DNALI1: variants seen among roughly 807,000 people sequenced by gnomAD.
DNALI1 encodes the protein dynein axonemal light intermediate chain 1.
In DNALI1, 31 loss-of-function variants were observed where a neutral mutation model predicts 33.9. The observed-to-expected ratio is 0.91, with a 90% CI of 0.69 to 1.23. The LOEUF (loss-of-function observed/expected upper bound fraction) is 1.23, where lower values mean the gene tolerates loss of function less well. Ranked by LOEUF, DNALI1 falls within the 50% of genes most tolerant of loss-of-function variation. The probability of loss-of-function intolerance (pLI) is 0.00; values close to 1 mark genes in which losing one functional copy is unlikely to be tolerated. For missense variants in DNALI1, 305 were observed against 323.8 expected (o/e 0.94, Z 0.44); for synonymous variants, 117 against 129.2 (o/e 0.91, Z 0.64).
At position 37,566,446 on chromosome 1, in the gene DNALI1, C is replaced by T. The variant is rs147920255; in HGVS notation, c.*1385C>T. The T allele has an allele frequency of 5.0e-3, 806 of 160,380 alleles. 10 individuals carry two copies. The highest frequency in any genetic ancestry group is 0.018 in the African/African-American group (771 of 41,782). The allele number at this position is 160,380 out of a possible 1,614,324, so 9.9% of individuals were successfully genotyped here. A position where few individuals can be genotyped will look rare whatever the true frequency, so the allele number is the denominator to read the frequency against. ...TTGTAGTTTTCTCCTATTTCTTCTG[C>T]ACCCAACTTTCTCCTTGTATTTCAA... is the stretch of plus-strand genomic sequence containing the variant. On this transcript the variant is annotated 3_prime_UTR_variant, in exon 6 of 6. Transcript: ENST00000652629.
Position 37,562,766 on chromosome 1 carries a change from G to A in DNALI1, c.741+521G>A, listed in dbSNP as rs922631820. Among the ~76,000 whole-genome samples the A allele has an allele frequency of 2.6e-5, 4 of 152,050 alleles. No individual in the cohort carries two copies. Among genetic ancestry groups the A allele is most frequent in the East Asian group, 1.9e-4 (1 of 5,158 alleles). On this transcript the variant is annotated intron_variant, in intron 5 of 5. Coordinates refer to ENST00000652629, the MANE Select transcript of DNALI1 (RefSeq NM_003462.5). The surrounding 1 kb of genome is among the most constrained non-coding windows in gnomAD (Gnocchi z 5.8). ...AACCCAGGCACAGGTGCTCTTCCTC[G>A]AAGTCCGATGCCAGCAGTGGTCTTT... is the stretch of plus-strand genomic sequence containing the variant.
At position 37,565,339 on chromosome 1, in the gene DNALI1, T is replaced by C; in HGVS notation, c.*278T>C. 2.1e-6 allele frequency: 1 copy of C among 472,982 alleles called. No homozygotes were observed. The highest frequency in any genetic ancestry group is 3.8e-6 in the Non-Finnish European group (1 of 263,344). 29.3% of individuals were successfully genotyped at this position (472,982 alleles called of 1,614,324 possible). On this transcript the variant is annotated 3_prime_UTR_variant, in exon 6 of 6. Coordinates refer to ENST00000652629, the MANE Select transcript of DNALI1 (RefSeq NM_003462.5). ...TCCGTGTGTGGCTTACTAGCCAGCC[T>C]TGGGAACTGCCAACTCAAATTCTAA...
At position 37,559,981 on chromosome 1, in the gene DNALI1, A is replaced by G. The variant is rs567268678; in HGVS notation, c.397+485A>G. 1.1e-3 allele frequency among the ~76,000 whole-genome samples: 160 copies of G among 152,368 alleles called. No individual in the cohort carries two copies. The highest frequency in any genetic ancestry group is 3.7e-3 in the African/African-American group (152 of 41,592). On this transcript the variant is annotated intron_variant, in intron 3 of 5. Transcript: ENST00000652629. The surrounding 1 kb of genome is among the most constrained non-coding windows in gnomAD (Gnocchi z 5.3). ...ACGAATAAGTTCAAGGGAAGGTACTATGCCTGGATGTGCACGTAGGCCGGA... is the reference window on the plus strand; with the variant it reads ...ACGAATAAGTTCAAGGGAAGGTACTGTGCCTGGATGTGCACGTAGGCCGGA...
chr1:37,558,646 G>A (rs1363954644), intron 2 of DNALI1, among the ~76,000 whole-genome samples: 3 of 152,184 alleles, frequency 2.0e-5, no homozygotes, highest in Admixed American at 2.0e-4. Context: ...GGCCCTGACA[G>A]CTGGTGTTTT....
rs146033675 is a variant in DNALI1 at position 37,562,273 on chromosome 1, G to T, written c.741+28G>T. ...AATCAACGCGCAGGGTGGGGTGGAGGTGCCCCCTGCCCTGCGACCCAGCCC... is the reference window on the plus strand; with the variant it reads ...AATCAACGCGCAGGGTGGGGTGGAGTTGCCCCCTGCCCTGCGACCCAGCCC... On this transcript the variant is annotated intron_variant, in intron 5 of 5. Coordinates refer to ENST00000652629, the MANE Select transcript of DNALI1 (RefSeq NM_003462.5). The surrounding 1 kb of genome is among the most constrained non-coding windows in gnomAD (Gnocchi z 5.8). 3.7e-4 allele frequency: 598 copies of T among 1,600,978 alleles called. 9 individuals carry two copies. The East Asian group carries it at 0.013, about 35-fold the overall frequency.
At chr1:37,557,316 C>G (rs1643383033) in intron 1 of DNALI1, among the ~76,000 whole-genome samples, 1 of 152,148 alleles carries the variant, frequency 6.6e-6, no homozygotes, top group Non-Finnish European at 1.5e-5. Context: ...GGGGCTCACT[C>G]TTCTTAATGG....
Position 37,557,720 on chromosome 1 carries a change from G to A in DNALI1, c.199G>A (p.Glu67Lys). The A allele has an allele frequency of 6.2e-7, 1 of 1,613,892 alleles. No individual in the cohort carries two copies. The highest frequency in any genetic ancestry group is 8.5e-7 in the Non-Finnish European group (1 of 1,179,886). Residue 67 changes from glutamate (E) to lysine (K), a missense_variant, in exon 2 of 6, where the codon GAA (glutamate) becomes AAA (lysine). Glu to Lys is a moderately conservative substitution (Grantham distance 56). Coordinates refer to ENST00000652629, the MANE Select transcript of DNALI1 (RefSeq NM_003462.5). ...CVPDPTKQAEEILNAILPPRE... is the reference protein window; with the variant it reads ...CVPDPTKQAEKILNAILPPRE... ...CCCAGATCCTACAAAGCAGGCAGAA[G>A]AAATCTTGAATGCCATACTACCCCC...
In DNALI1 at chr1:37,562,340, G is replaced by A. The variant is rs1570040367; in HGVS notation, c.741+95G>A. On this transcript the variant is annotated intron_variant, in intron 5 of 5. Coordinates refer to ENST00000652629, the MANE Select transcript of DNALI1 (RefSeq NM_003462.5). This position sits in a 1 kb window ranked among gnomAD's most constrained non-coding sequence, Gnocchi z 5.8. ...GGTTCCTTTTCCATGGCTTTTAAAT[G>A]TTTGTCCACATGCACTGCCAAAGGA... is the stretch of plus-strand genomic sequence containing the variant. 3.4e-6 allele frequency: 5 copies of A among 1,472,608 alleles called. No individual in the cohort carries two copies. In the East Asian group the frequency reaches 1.2e-4, roughly 37 times the overall value. The allele number at this position is 1,472,608 out of a possible 1,614,324, so 91.2% of individuals were successfully genotyped here.
At chr1:37,557,394 G>A (rs1643383845) in intron 1 of DNALI1, among the ~76,000 whole-genome samples, 1 of 152,110 alleles carries the variant, frequency 6.6e-6, no homozygotes, top group African/African-American at 2.4e-5. Context: ...AAGCACATGC[G>A]CCAGAAACAC....
rs1643386224 is a variant in DNALI1, at chr1:37,557,529, C to T, written c.82-74C>T. ...GGAGGGCTGTGCAGAAGACCTGGAG[C>T]AATATACAGGTTGGGGATGTGTGGA... On this transcript the variant is annotated intron_variant, in intron 1 of 5. Transcript: ENST00000652629. The T allele has an allele frequency of 5.2e-6, 8 of 1,530,626 alleles. No individual in the cohort carries two copies. In the African/African-American group the frequency reaches 5.6e-5, roughly 11 times the overall value. The allele number at this position is 1,530,626 out of a possible 1,614,324, so 94.8% of individuals were successfully genotyped here.
chr1:37,557,967 C>G, intron 2 of DNALI1: 1 of 580,974 alleles, frequency 1.7e-6, no homozygotes, highest in Non-Finnish European at 2.9e-6. Flanking sequence ...AATCTCATGG[C>G]TTTAGATACC....
In DNALI1 at chr1:37,559,446, G is replaced by A. The variant is rs776150647; in HGVS notation, c.347G>A (p.Arg116Lys). The change falls in exon 3 of 6, where the codon AGG becomes AAG. Residue 116 changes from arginine to lysine, a missense_variant. Arg to Lys is a conservative substitution (Grantham distance 26). Coordinates refer to ENST00000652629, the MANE Select transcript of DNALI1 (RefSeq NM_003462.5). The surrounding 1 kb of genome is among the most constrained non-coding windows in gnomAD (Gnocchi z 5.3). ...LDLKLQQRQA[R>K]ETGICPVRRE... ...TTAAAGCTGCAGCAGCGGCAGGCCA[G>A]GGAAACAGGCATCTGCCCTGTCCGC... The A allele has an allele frequency of 6.2e-7, 1 of 1,613,420 alleles. No individual in the cohort carries two copies. The highest frequency in any genetic ancestry group is 1.7e-5 in the Admixed American group (1 of 59,988).
In DNALI1 at chr1:37,559,189, G is replaced by A. The variant is rs1643406908; in HGVS notation, c.228-138G>A. ...TGGCTTTGGAGCCTCACACCCCAAG[G>A]GATGGAGGATTCTGGTGGGTTGGTG... is the stretch of plus-strand genomic sequence containing the variant. On this transcript the variant is annotated intron_variant, in intron 2 of 5. Coordinates refer to ENST00000652629, the MANE Select transcript of DNALI1 (RefSeq NM_003462.5). This position sits in a 1 kb window ranked among gnomAD's most constrained non-coding sequence, Gnocchi z 5.3. The A allele has an allele frequency of 1.2e-6, 1 of 862,142 alleles. No individual in the cohort carries two copies. Among genetic ancestry groups the A allele is most frequent in the East Asian group, 2.8e-5 (1 of 35,752 alleles). 53.4% of individuals were successfully genotyped at this position (862,142 alleles called of 1,614,324 possible).
intron 2 of DNALI1, among the ~76,000 whole-genome samples, chr1:37,558,857 G>T (rs541031492): frequency 6.6e-6 from 1 of 152,198 alleles, no homozygotes; most frequent in Non-Finnish European, 1.5e-5. Flanking sequence ...AGTTGGTAAG[G>T]CTATGAGGAA....
intron 5 of DNALI1, 72 bp from the exon 6 acceptor site, chr1:37,564,954 T>G: frequency 6.0e-6 from 9 of 1,504,180 alleles, no homozygotes; most frequent in Non-Finnish European, 7.4e-6. Flanking sequence ...TCCCAGAGAT[T>G]TGATCACCTC....
In DNALI1 at chr1:37,557,044, T is replaced by C. The variant is rs764765414; in HGVS notation, c.50T>C (p.Val17Ala). ...SLLKYDTPVLVSRNTEKRSPK... is the reference protein window; with the variant it reads ...SLLKYDTPVLASRNTEKRSPK... The stretch of plus-strand genomic sequence containing the variant: ...CTCAAGTACGACACCCCAGTGCTGG[T>C]GAGCCGGAACACGGAGAAACGGAGC... The change falls in exon 1 of 6, where the codon GTG becomes GCG. Residue 17 changes from valine (V) to alanine (A), a missense_variant. Transcript: ENST00000652629. The C allele has an allele frequency of 6.2e-7, 1 of 1,614,128 alleles. No individual in the cohort carries two copies. The highest frequency in any genetic ancestry group is 1.7e-5 in the Admixed American group (1 of 60,018).
Position 37,561,640 on chromosome 1 carries a change from A to G in DNALI1, c.481A>G (p.Ile161Val), listed in dbSNP as rs763018839. 8 of 1,614,024 alleles carry G rather than the reference A, an allele frequency of 5.0e-6. No homozygotes were observed. Among genetic ancestry groups the G allele is most frequent in the Non-Finnish European group, 5.9e-6 (7 of 1,179,962 alleles). ...AGTCCGGGACGAGATCCGCATGACC[A>G]TCGCTGCCTACCAGACCCTGTACGA... ...LRVRDEIRMT[I>V]AAYQTLYESS... The change falls in exon 4 of 6, where the codon ATC becomes GTC. Residue 161 changes from isoleucine to valine, a missense_variant. Ile to Val is a conservative substitution (Grantham distance 29). Coordinates refer to ENST00000652629, the MANE Select transcript of DNALI1 (RefSeq NM_003462.5). The surrounding 1 kb of genome is among the most constrained non-coding windows in gnomAD (Gnocchi z 4.6).
intron 5 of DNALI1, among the ~76,000 whole-genome samples, chr1:37,563,522 C>G (rs1234503701): frequency 6.6e-6 from 1 of 152,106 alleles, no homozygotes; most frequent in African/African-American, 2.4e-5. Context: ...CGGAGTTTTG[C>G]TCTTGTTGCC....
intron 5 of DNALI1, among the ~76,000 whole-genome samples, chr1:37,563,524 CTT>C (rs1405736453): frequency 6.6e-6 from 1 of 152,130 alleles, no homozygotes; most frequent in African/African-American, 2.4e-5. Flanking sequence ...GAGTTTTGCT[CTT>C]GTTGCCCAGG....
Sources: allele counts gnomAD v4.1 joint callset (sites outside exome capture counted in the v4.1 genomes callset), GRCh38; gene constraint gnomAD v4.1.1; non-coding constraint Gnocchi (gnomAD v3.1); transcripts MANE v1.5; gene names NCBI Gene and HGNC (gene_info 2026-07-23, HGNC 2026-07-21).